C3: variants seen among roughly 807,000 people sequenced by gnomAD.
C3 encodes the protein C3 and PZP-like alpha-2-macroglobulin domain-containing protein 1.
In C3, 97 loss-of-function variants were observed where a neutral mutation model predicts 207.9. The ratio of observed to expected loss-of-function variants is 0.47; its 90% confidence interval spans 0.40 to 0.55. C3 has a LOEUF of 0.55. C3 is among the 20% of genes least tolerant of loss of function. C3 has a pLI of 0.00. For synonymous variants in C3, 848 were observed against 857.6 expected, an observed-to-expected ratio of 0.99 and a Z score of 0.20; for missense variants, 1,684 against 2,171.7, an observed-to-expected ratio of 0.78 and a Z score of 4.46.
At chr19:6,712,436 T>C in intron 10 of C3, 30 bp from the exon 11 acceptor site, 1 of 1,614,132 alleles carries the variant, frequency 6.2e-7, no homozygotes, top group Middle Eastern at 1.6e-4. Context: ...TGGGGGAAGT[T>C]CAGGCAGGCT....
At chr19:6,717,748 T>TG (rs147904211) in intron 4 of C3, 3 of 431,896 alleles carry the variant, frequency 6.9e-6, no homozygotes, top group African/African-American at 2.0e-5. Flanking sequence ...GTGTGTTGTG[T>TG]GTGTGGTCAT....
At chr19:6,698,206 G>A (rs574398649) in intron 19 of C3, among the ~76,000 whole-genome samples, 4 of 152,006 alleles carry the variant, frequency 2.6e-5, no homozygotes, top group African/African-American at 9.6e-5. Flanking sequence ...TAGTAGAGAT[G>A]GGGTTTCACC....
Position 6,678,173 on chromosome 19 carries a change from T to G in C3, c.4829A>C (p.Asp1610Ala), listed in dbSNP as rs1343343610. 1 of 1,614,140 alleles carries G rather than the reference T, an allele frequency of 6.2e-7. No homozygotes were observed. The highest frequency in any genetic ancestry group is 1.1e-5 in the South Asian group (1 of 91,090). ...KHYLMWGLSS[D>A]FWGEKPNLSY... ...TCACTTGGGCTTCTCTCCCCAGAAATCGGAGGAGAGACCCCACATGAGGTA... is the reference window on the plus strand; with the variant it reads ...TCACTTGGGCTTCTCTCCCCAGAAAGCGGAGGAGAGACCCCACATGAGGTA... Residue 1610 changes from aspartate to alanine, a missense_variant, in exon 40 of 41, where the codon GAT (aspartate) becomes GCT (alanine). By Grantham distance (126) the Asp-to-Ala change is moderately radical (BLOSUM62 -2). Coordinates refer to ENST00000245907, the MANE Select transcript of C3 (RefSeq NM_000064.4).
rs551581582 is a variant in C3, at chr19:6,713,284, C to A, written c.908G>T (p.Ser303Ile). The A allele has an allele frequency of 5.6e-6, 9 of 1,613,728 alleles. No individual in the cohort carries two copies. The South Asian group carries it at 9.9e-5, about 18-fold the overall frequency. Residue 303 changes from serine to isoleucine, a missense_variant, in exon 9 of 41, where the codon AGC (serine) becomes ATC (isoleucine). By Grantham distance (142) the Ser-to-Ile change is moderately radical. Coordinates refer to ENST00000245907, the MANE Select transcript of C3 (RefSeq NM_000064.4). ...IEDGSGEVVL[S>I]RKVLLDGVQN... is the part of the protein sequence containing the mutation. The stretch of plus-strand genomic sequence containing the variant: ...CACCCCGTCCAGCAGTACCTTCCGG[C>A]TCAGCACAACCTCCCCCGAGCCATC...
chr19:6,711,698 C>T (rs148849574), intron 11 of C3, among the ~76,000 whole-genome samples: 265 of 152,326 alleles, frequency 1.7e-3, no homozygotes, highest in African/African-American at 5.7e-3. Context: ...AGCCTGGGAG[C>T]TGCAGAGGGA....
At chr19:6,717,838 T>C (rs1968072389) in intron 4 of C3, 3 of 602,540 alleles carry the variant, frequency 5.0e-6, no homozygotes, top group Non-Finnish European at 9.1e-6. Context: ...TTTGTGTGTG[T>C]TGCATTGTGT....
At chr19:6,716,113 T>G (rs766301882) in intron 4 of C3, among the ~76,000 whole-genome samples, 1 of 152,188 alleles carries the variant, frequency 6.6e-6, no homozygotes, top group Non-Finnish European at 1.5e-5. Context: ...TTTGTAGAGA[T>G]GTAGTCTCCC....
intron 19 of C3, among the ~76,000 whole-genome samples, chr19:6,699,951 C>T (rs1300580495): frequency 6.7e-6 from 1 of 148,936 alleles, no homozygotes. Flanking sequence ...ATAAATGATA[C>T]ATCATTTATA....
chr19:6,717,804 T>G, intron 4 of C3: 1 of 556,266 alleles, frequency 1.8e-6, no homozygotes, highest in Non-Finnish European at 3.3e-6. Flanking sequence ...GTTGTGTGTG[T>G]TGTGTGGTCG....
chr19:6,701,675 C>T (rs967355095), intron 19 of C3, among the ~76,000 whole-genome samples: 1 of 152,118 alleles, frequency 6.6e-6, no homozygotes, highest in African/African-American at 2.4e-5. Flanking sequence ...CGCCCGCCAC[C>T]CCCTGCCTGG....
Position 6,720,501 on chromosome 19 carries a change from G to A in C3, c.74+15C>T, listed in dbSNP as rs1358632811. 1 of 1,574,450 alleles carries A rather than the reference G, an allele frequency of 6.4e-7. No homozygotes were observed. Among genetic ancestry groups the A allele is most frequent in the Non-Finnish European group, 8.6e-7 (1 of 1,157,042 alleles). ...AGAACCAGCCCTGTTTGTGGGTAGA[G>A]TCATAACCACTCACATGGGACTCCC... On this transcript the variant is annotated intron_variant, in intron 1 of 40. Transcript: ENST00000245907.
At chr19:6,696,068 G>C (rs1012847755) in intron 23 of C3, among the ~76,000 whole-genome samples, 1 of 151,792 alleles carries the variant, frequency 6.6e-6, no homozygotes, top group African/African-American at 2.4e-5. Context: ...AAATTAGCCG[G>C]GCGTGGTGGC....
intron 17 of C3, among the ~76,000 whole-genome samples, chr19:6,706,292 C>T (rs2145421208): frequency 6.6e-6 from 1 of 152,320 alleles, no homozygotes; most frequent in East Asian, 1.9e-4. Flanking sequence ...ATGGGTGGGG[C>T]TGGGATGACC....
At chr19:6,688,126 G>A (rs900150596) in intron 27 of C3, among the ~76,000 whole-genome samples, 2 of 145,442 alleles carry the variant, frequency 1.4e-5, no homozygotes, top group Non-Finnish European at 3.0e-5. Context: ...TTACAGGCGT[G>A]AGCCACCGCG....
rs143516796 is a variant in C3 at position 6,689,320 on chromosome 19, T to TAC, written c.3489+1308_3489+1309insGT. Reference sequence around the variant, plus strand: ...TCTCCTCTCTCTCTCTCTCTCTCTCTCTACCTACCTCCCTCCCTCCCTCCC... The same window carrying TAC: ...TCTCCTCTCTCTCTCTCTCTCTCTCTACCTACCTACCTCCCTCCCTCCCTCCC... On this transcript the variant is annotated intron_variant, in intron 27 of 40. Coordinates refer to ENST00000245907, the MANE Select transcript of C3 (RefSeq NM_000064.4). Among the ~76,000 whole-genome samples, 112 of 72,350 alleles carry TAC rather than the reference T, an allele frequency of 1.5e-3. 4 individuals are homozygous for TAC. The highest frequency in any genetic ancestry group is 6.0e-3 in the African/African-American group (93 of 15,528). 47.5% of individuals were successfully genotyped at this position (72,350 alleles called of 152,430 possible).
chr19:6,717,960 T>G (rs1056414466), intron 4 of C3, 134 bp downstream of exon 4: 6 of 832,364 alleles, frequency 7.2e-6, no homozygotes, highest in Admixed American at 1.7e-5. Flanking sequence ...TGTGGGTGTG[T>G]GTCTGCATAT....
intron 17 of C3, 25 bp downstream of exon 17, chr19:6,707,051 C>T (rs777376880): frequency 1.9e-6 from 3 of 1,596,354 alleles, no homozygotes; most frequent in African/African-American, 2.7e-5. Flanking sequence ...GCCCCCTCCC[C>T]CTGTCCCCAC....
chr19:6,713,558 G>A lies in C3; in HGVS notation c.774-49C>T, dbSNP rs200778836. Reference sequence around the variant, plus strand: ...TCAGGTCCATCCCTCCTGGAGAATGGGATCTCCCCCAGCTTCTCCTGCCTG... The same window carrying A: ...TCAGGTCCATCCCTCCTGGAGAATGAGATCTCCCCCAGCTTCTCCTGCCTG... On this transcript the variant is annotated intron_variant, in intron 7 of 40. Transcript: ENST00000245907. 32 of 1,400,224 alleles carry A rather than the reference G, an allele frequency of 2.3e-5. No homozygotes were observed. The East Asian group carries it at 7.1e-4, about 31-fold the overall frequency. 86.7% of individuals were successfully genotyped at this position (1,400,224 alleles called of 1,614,324 possible).
chr19:6,686,570 C>T, intron 28 of C3, 176 bp downstream of exon 28: 1 of 793,976 alleles, frequency 1.3e-6, no homozygotes, highest in Non-Finnish European at 2.2e-6. Context: ...TAGAGCCGTG[C>T]ATCCCAGCTC....
Sources: gnomAD v4.1 joint callset for allele counts (sites outside exome capture counted in the v4.1 genomes callset) on GRCh38, gnomAD v4.1.1 for gene constraint, MANE v1.5 for transcripts, NCBI Gene and HGNC (gene_info 2026-07-23, HGNC 2026-07-21) for gene names.